Variants in JAKMIP1 observed in about 807,000 individuals in gnomAD.
JAKMIP1 encodes janus kinase and microtubule interacting protein 1, also known as janus kinase and microtubule-interacting protein 1.
JAKMIP1 carries 33 observed loss-of-function variants against 113.0 expected under a neutral mutation model. The observed-to-expected ratio is 0.29, with a 90% CI of 0.22 to 0.39. The LOEUF is 0.39. Among genes scored for constraint, JAKMIP1 ranks in the 10% least tolerant of loss-of-function variants. The pLI, the probability that JAKMIP1 is intolerant of heterozygous loss-of-function variation, is 1.00. For missense variants in JAKMIP1, 813 were observed against 1,080.5 expected (o/e 0.75, Z 3.47); for synonymous variants, 480 against 459.9 (o/e 1.04, Z -0.56).
rs537373382 is a variant in JAKMIP1, at chr4:6,146,806, A to G, written c.-147-33809T>C. ...ATTCCAGTGGTGGAACAGGATTTGA[A>G]CTTGGGTCTGAACTCCAAAGTCCTC... On this transcript the variant is annotated intron_variant, in intron 1 of 20. Coordinates refer to ENST00000409021, the MANE Select transcript of JAKMIP1 (RefSeq NM_001099433.2). Among the ~76,000 whole-genome samples the G allele has an allele frequency of 4.9e-4, 75 of 152,296 alleles. 1 individual carries two copies. Among genetic ancestry groups the G allele is most frequent in the African/African-American group, 1.7e-3 (72 of 41,576 alleles).
intron 1 of JAKMIP1, among the ~76,000 whole-genome samples, chr4:6,165,649 T>A (rs1304905088): frequency 6.6e-6 from 1 of 152,224 alleles, no homozygotes; most frequent in Non-Finnish European, 1.5e-5. Context: ...TTAGACATAA[T>A]GCTATTGTAC....
rs1410498135 is a variant in JAKMIP1 at position 6,158,788 on chromosome 4, G to T, written c.-148+41465C>A. On this transcript the variant is annotated intron_variant, in intron 1 of 20. Coordinates refer to ENST00000409021, the MANE Select transcript of JAKMIP1 (RefSeq NM_001099433.2). This position sits in a 1 kb window ranked among gnomAD's most constrained non-coding sequence, Gnocchi z 5.3. ...AAAACAGATCCAAGGATGTACACAG[G>T]AATTTAAAACACATACTGGGCCGGG... Among the ~76,000 whole-genome samples, 1 of 152,060 alleles carries T rather than the reference G, an allele frequency of 6.6e-6. No individual in the cohort carries two copies. Among genetic ancestry groups the T allele is most frequent in the East Asian group, 1.9e-4 (1 of 5,190 alleles).
chr4:6,109,422 T>C (rs570084391), intron 2 of JAKMIP1, among the ~76,000 whole-genome samples: 2 of 151,924 alleles, frequency 1.3e-5, no homozygotes, highest in Admixed American at 1.3e-4. Context: ...CATGAGCCAC[T>C]GCGGAGCCTG....
intron 16 of JAKMIP1, among the ~76,000 whole-genome samples, chr4:6,047,966 G>C (rs1348652787): frequency 6.6e-6 from 1 of 152,156 alleles, no homozygotes; most frequent in African/African-American, 2.4e-5. Flanking sequence ...GAAAGACAAT[G>C]ACAATGAATA....
rs182020794 is a variant in JAKMIP1, at chr4:6,183,696, A to T, written c.-148+16557T>A. 6.6e-6 allele frequency among the ~76,000 whole-genome samples: 1 copy of T among 152,164 alleles called. No individual in the cohort carries two copies. Among genetic ancestry groups the T allele is most frequent in the African/African-American group, 2.4e-5 (1 of 41,482 alleles). On this transcript the variant is annotated intron_variant, in intron 1 of 20. Coordinates refer to ENST00000409021, the MANE Select transcript of JAKMIP1 (RefSeq NM_001099433.2). This position sits in a 1 kb window ranked among gnomAD's most constrained non-coding sequence, Gnocchi z 5.3. The stretch of plus-strand genomic sequence containing the variant: ...TGTAATAATTTTAAACTGTGAAAAC[A>T]TCACACCAACTCAAATGGGCTGCAA...
rs1714686884 is a variant in JAKMIP1 at position 6,044,071 on chromosome 4, G to A, written c.2029-1844C>T. Among the ~76,000 whole-genome samples, 1 of 151,984 alleles carries A rather than the reference G, an allele frequency of 6.6e-6. No individual in the cohort carries two copies. ...TAGCATCACTCAGTCTTCAGGCCCT[G>A]AGCTAGCTGTCACCTCCTCCAGGAA... is the stretch of plus-strand genomic sequence containing the variant. On this transcript the variant is annotated intron_variant, in intron 16 of 20. Transcript: ENST00000409021. The surrounding 1 kb of genome is among the most constrained non-coding windows in gnomAD (Gnocchi z 4.4).
chr4:6,079,057 C>G, intron 7 of JAKMIP1, 59 bp from the exon 8 acceptor site: 1 of 1,591,500 alleles, frequency 6.3e-7, no homozygotes. Flanking sequence ...CAAACCAAAG[C>G]CACTGGCTCT....
chr4:6,145,615 C>T (rs1307700300), intron 1 of JAKMIP1, among the ~76,000 whole-genome samples: 1 of 152,112 alleles, frequency 6.6e-6, no homozygotes, highest in Non-Finnish European at 1.5e-5. Context: ...TCACAATAGC[C>T]AAGAGGTGGA....
Position 6,156,916 on chromosome 4 carries a change from C to G in JAKMIP1, c.-148+43337G>C, listed in dbSNP as rs1056289991. The stretch of plus-strand genomic sequence containing the variant: ...AGCCACAGCCCTGAATTTTCTATAA[C>G]AAGTTCCATGGCTAGTGGTTTGAAT... On this transcript the variant is annotated intron_variant, in intron 1 of 20. Coordinates refer to ENST00000409021, the MANE Select transcript of JAKMIP1 (RefSeq NM_001099433.2). The surrounding 1 kb of genome is among the most constrained non-coding windows in gnomAD (Gnocchi z 5.0). 6.6e-6 allele frequency among the ~76,000 whole-genome samples: 1 copy of G among 152,232 alleles called. No homozygotes were observed. Among genetic ancestry groups the G allele is most frequent in the African/African-American group, 2.4e-5 (1 of 41,466 alleles).
rs556821997 is a variant in JAKMIP1, at chr4:6,156,133, G to A, written c.-147-43136C>T. Among the ~76,000 whole-genome samples the A allele has an allele frequency of 1.1e-3, 175 of 152,354 alleles. 2 individuals are homozygous for A. Among genetic ancestry groups the A allele is most frequent in the Middle Eastern group, 6.8e-3 (2 of 294 alleles). On this transcript the variant is annotated intron_variant, in intron 1 of 20. Coordinates refer to ENST00000409021, the MANE Select transcript of JAKMIP1 (RefSeq NM_001099433.2). This position sits in a 1 kb window ranked among gnomAD's most constrained non-coding sequence, Gnocchi z 5.0. ...GCATTTCTAAATACCTGACCCATCTGTGTGTTTCTTGGGAGCAGAGACCGG... is the reference window on the plus strand; with the variant it reads ...GCATTTCTAAATACCTGACCCATCTATGTGTTTCTTGGGAGCAGAGACCGG...
intron 20 of JAKMIP1, among the ~76,000 whole-genome samples, chr4:6,027,044 G>A (rs968125183): frequency 6.6e-6 from 1 of 150,764 alleles, no homozygotes; most frequent in South Asian, 2.1e-4. Context: ...AAAATCTTTT[G>A]TGCCATTTGA....
At chr4:6,084,813 A>C in intron 5 of JAKMIP1, 33 bp downstream of exon 5, 1 of 1,606,594 alleles carries the variant, frequency 6.2e-7, no homozygotes, top group Non-Finnish European at 8.5e-7. Flanking sequence ...CTTGCACCCT[A>C]TGAGGCACCG....
At chr4:6,085,809 G>A (rs778416917) in intron 3 of JAKMIP1, among the ~76,000 whole-genome samples, 180 bp from the exon 4 acceptor site, 12 of 152,162 alleles carry the variant, frequency 7.9e-5, no homozygotes, top group East Asian at 1.9e-4. Context: ...CTTGTTCCCC[G>A]TCACTCCCAC....
At chr4:6,114,130 C>T (rs908404711) in intron 1 of JAKMIP1, among the ~76,000 whole-genome samples, 2 of 152,128 alleles carry the variant, frequency 1.3e-5, no homozygotes, top group Non-Finnish European at 2.9e-5. Context: ...GTCAGTGAGT[C>T]GTGGCGTTGG....
chr4:6,101,318 C>A (rs1712990654), intron 3 of JAKMIP1, among the ~76,000 whole-genome samples: 1 of 151,844 alleles, frequency 6.6e-6, no homozygotes, highest in African/African-American at 2.4e-5. Flanking sequence ...GATAGCTGAC[C>A]AGTCCAATAT....
In JAKMIP1 at chr4:6,069,552, C is replaced by A. The variant is rs1718656375; in HGVS notation, c.1303-4544G>T. On this transcript the variant is annotated intron_variant, in intron 8 of 20. Transcript: ENST00000409021. The surrounding 1 kb of genome is among the most constrained non-coding windows in gnomAD (Gnocchi z 4.5). ...TCGCTTGAGCCCAGGAGTTCAAGAT[C>A]AACCTGGGCCACATAGTGAGAATCC... Among the ~76,000 whole-genome samples, 1 of 152,078 alleles carries A rather than the reference C, an allele frequency of 6.6e-6. No homozygotes were observed. Among genetic ancestry groups the A allele is most frequent in the Non-Finnish European group, 1.5e-5 (1 of 68,024 alleles).
Position 6,081,796 on chromosome 4 carries a change from G to A in JAKMIP1, c.955-41C>T, listed in dbSNP as rs1018456369. The stretch of plus-strand genomic sequence containing the variant: ...GACACAGAGGCTCAGACAACTTGAC[G>A]ACGGACGGCCGAGGTCACAGCACCG... On this transcript the variant is annotated intron_variant, in intron 5 of 20. Coordinates refer to ENST00000409021, the MANE Select transcript of JAKMIP1 (RefSeq NM_001099433.2). The surrounding 1 kb of genome is among the most constrained non-coding windows in gnomAD (Gnocchi z 4.6). The A allele has an allele frequency of 8.1e-6, 13 of 1,612,508 alleles. No homozygotes were observed. Among genetic ancestry groups the A allele is most frequent in the East Asian group, 6.7e-5 (3 of 44,868 alleles).
rs1727997192 is a variant in JAKMIP1 at position 6,197,722 on chromosome 4, G to A, written c.-148+2531C>T. On this transcript the variant is annotated intron_variant, in intron 1 of 20. Transcript: ENST00000409021. The surrounding 1 kb of genome is among the most constrained non-coding windows in gnomAD (Gnocchi z 6.5). ...TAGAAAGCCCAGCAGGGAGGCACTT[G>A]CCCAGTCACAGCTAAGTGAGGCAGG... is the stretch of plus-strand genomic sequence containing the variant. Among the ~76,000 whole-genome samples the A allele has an allele frequency of 6.6e-6, 1 of 152,208 alleles. No individual in the cohort carries two copies.
intron 1 of JAKMIP1, among the ~76,000 whole-genome samples, chr4:6,160,948 C>T (rs1240250854): frequency 2.1e-5 from 3 of 142,830 alleles, no homozygotes; most frequent in Non-Finnish European, 4.5e-5. Context: ...CCACTTATCT[C>T]CCCTGACCTC....
Sources: gnomAD v4.1 joint callset for allele counts (sites outside exome capture counted in the v4.1 genomes callset) on GRCh38, gnomAD v4.1.1 for gene constraint, Gnocchi (gnomAD v3.1) non-coding constraint, MANE v1.5 for transcripts, NCBI Gene and HGNC (gene_info 2026-07-23, HGNC 2026-07-21) for gene names.